ADARB2: variants seen among roughly 807,000 people sequenced by gnomAD.
The protein encoded by ADARB2 is adenosine deaminase RNA specific B2 (inactive).
In ADARB2, 25 loss-of-function variants were observed where a neutral mutation model predicts 62.2. The observed-to-expected ratio is 0.40, with a 90% CI of 0.29 to 0.56. The LOEUF (loss-of-function observed/expected upper bound fraction) is 0.56. Ranked by LOEUF, ADARB2 falls within the 20% of genes least tolerant of loss-of-function variation. ADARB2 has a pLI of 0.43. For synonymous variants in ADARB2, 572 were observed against 500.8 expected (o/e 1.14, Z -1.90); for missense variants, 1,071 against 1,077.4 (o/e 0.99, Z 0.08).
chr10:1,684,320 G>A (rs940113092), intron 1 of ADARB2, among the ~76,000 whole-genome samples: 1 of 152,146 alleles, frequency 6.6e-6, no homozygotes, highest in Non-Finnish European at 1.5e-5. Context: ...GGGCCTGTAC[G>A]AAAACCTAAA....
chr10:1,727,584 AG>A (rs1422416403), intron 1 of ADARB2, among the ~76,000 whole-genome samples: 6 of 152,250 alleles, frequency 3.9e-5, no homozygotes, highest in Non-Finnish European at 7.3e-5. Context: ...TCAAACTTAA[AG>A]GGGTTTACAT....
chr10:1,691,898 A>AAT (rs1834677488), intron 1 of ADARB2, among the ~76,000 whole-genome samples: 1 of 134,034 alleles, frequency 7.5e-6, no homozygotes, highest in Admixed American at 7.1e-5. Context: ...GTCATTACTA[A>AAT]ATGTGTGTGT....
At chr10:1,395,590 C>T (rs978669910) in intron 1 of ADARB2, among the ~76,000 whole-genome samples, 1 of 152,222 alleles carries the variant, frequency 6.6e-6, no homozygotes, top group African/African-American at 2.4e-5. Flanking sequence ...GCTGCCTCCT[C>T]GGCGCCTCCA....
intron 1 of ADARB2, among the ~76,000 whole-genome samples, chr10:1,475,339 G>A (rs1370897475): frequency 6.6e-6 from 1 of 152,200 alleles, no homozygotes; most frequent in East Asian, 1.9e-4. Context: ...TGGGCTTCCT[G>A]GTTGGTTTAG....
intron 1 of ADARB2, among the ~76,000 whole-genome samples, chr10:1,696,002 G>GT (rs1198508589): frequency 7.0e-6 from 1 of 143,324 alleles, no homozygotes; most frequent in Non-Finnish European, 1.5e-5. Flanking sequence ...TGTGTGGGGT[G>GT]TGCCTGTGTG....
chr10:1,502,403 C>T (rs1185832245), intron 1 of ADARB2, among the ~76,000 whole-genome samples: 2 of 152,234 alleles, frequency 1.3e-5, no homozygotes, highest in African/African-American at 2.4e-5. Context: ...CCCACACATC[C>T]TTGGTCTCTC....
intron 3 of ADARB2, among the ~76,000 whole-genome samples, chr10:1,313,521 CAA>C (rs1260306407): frequency 6.6e-6 from 1 of 152,212 alleles, no homozygotes; most frequent in Non-Finnish European, 1.5e-5. Context: ...ATTGTAGTGA[CAA>C]GAGTCCCTGC....
At chr10:1,185,841 C>T (rs1456429615) in intron 8 of ADARB2, among the ~76,000 whole-genome samples, 1 of 152,214 alleles carries the variant, frequency 6.6e-6, no homozygotes, top group Non-Finnish European at 1.5e-5. Flanking sequence ...ACAGTCCTTG[C>T]AGCCCAGCTC....
chr10:1,320,637 C>A (rs1831786783), intron 3 of ADARB2, among the ~76,000 whole-genome samples: 1 of 152,174 alleles, frequency 6.6e-6, no homozygotes, highest in Non-Finnish European at 1.5e-5. Context: ...TATTTGGTAG[C>A]TTTGGTGTTG....
intron 1 of ADARB2, among the ~76,000 whole-genome samples, chr10:1,550,778 T>A (rs1832609287): frequency 1.3e-5 from 2 of 151,956 alleles, no homozygotes; most frequent in African/African-American, 4.8e-5. Context: ...GAGTGCTTAG[T>A]CATTTGGCAA....
intron 8 of ADARB2, among the ~76,000 whole-genome samples, chr10:1,198,313 A>G (rs1028923393): frequency 6.6e-6 from 1 of 152,232 alleles, no homozygotes; most frequent in Non-Finnish European, 1.5e-5. Context: ...CAGTTCTGCA[A>G]ACTGACCTTG....
intron 1 of ADARB2, among the ~76,000 whole-genome samples, chr10:1,561,449 G>T (rs544822548): frequency 6.6e-6 from 1 of 152,234 alleles, no homozygotes; most frequent in South Asian, 2.1e-4. Flanking sequence ...ATTTCCTGAG[G>T]GTTTATGATG....
In ADARB2 at chr10:1,363,175, C is replaced by T. The variant is rs1832277146; in HGVS notation, c.930G>A (p.Val310=). 4 of 1,529,530 alleles carry T rather than the reference C, an allele frequency of 2.6e-6. No individual in the cohort carries two copies. Among genetic ancestry groups the T allele is most frequent in the Admixed American group, 3.8e-5 (2 of 52,172 alleles). The allele number at this position is 1,529,530 out of a possible 1,614,324, so 94.7% of individuals were successfully genotyped here. A position where few individuals can be genotyped will look rare whatever the true frequency, so the allele number is the denominator to read the frequency against. ...ERRARSFVMA[V]SVDGRTFEGS... is the part of the protein sequence containing the mutation. ...CCTCGAACGTCCTGCCGTCCACGCTCACGGCCATCACGAAGCTCCGCGCGC... is the reference window on the plus strand; with the variant it reads ...CCTCGAACGTCCTGCCGTCCACGCTTACGGCCATCACGAAGCTCCGCGCGC... The change falls in exon 3 of 10, where the codon GTG becomes GTA. Residue 310 remains valine (V), a synonymous_variant. Transcript: ENST00000381312.
chr10:1,577,554 C>A (rs1286672358), intron 1 of ADARB2, among the ~76,000 whole-genome samples: 1 of 152,226 alleles, frequency 6.6e-6, no homozygotes, highest in Non-Finnish European at 1.5e-5. Flanking sequence ...TCATTGAGAC[C>A]AGGGCCTCCG....
intron 3 of ADARB2, among the ~76,000 whole-genome samples, chr10:1,338,242 G>C (rs527332933): frequency 6.6e-6 from 1 of 152,150 alleles, no homozygotes; most frequent in Non-Finnish European, 1.5e-5. Context: ...GTGTTTAACC[G>C]AACATAGCTT....
chr10:1,285,241 G>A (rs756215862), intron 3 of ADARB2, among the ~76,000 whole-genome samples: 36 of 152,244 alleles, frequency 2.4e-4, no homozygotes, highest in Non-Finnish European at 3.8e-4. Context: ...CAGGGTTAAT[G>A]TGTCTTGCAC....
intron 1 of ADARB2, among the ~76,000 whole-genome samples, chr10:1,559,408 C>T (rs1387129426): frequency 1.3e-5 from 2 of 152,212 alleles, no homozygotes; most frequent in African/African-American, 2.4e-5. Flanking sequence ...ACACGGGTCA[C>T]ATTCCCTGGG....
At chr10:1,261,232 C>T (rs551658879) in intron 4 of ADARB2, among the ~76,000 whole-genome samples, 5,296 of 149,978 alleles carry the variant, frequency 0.035, 308 homozygotes, top group African/African-American at 0.12. Context: ...CCATTCAGGA[C>T]ATAGGCATGG....
intron 1 of ADARB2, among the ~76,000 whole-genome samples, chr10:1,389,514 A>G (rs916801571): frequency 2.0e-5 from 3 of 152,166 alleles, no homozygotes; most frequent in Non-Finnish European, 4.4e-5. Flanking sequence ...CTACAAAGAC[A>G]TACAAATAGC....
Sources: gnomAD v4.1 joint callset for allele counts (sites outside exome capture counted in the v4.1 genomes callset) on GRCh38, gnomAD v4.1.1 for gene constraint, MANE v1.5 for transcripts, NCBI Gene and HGNC (gene_info 2026-07-23, HGNC 2026-07-21) for gene names.